Variants in FBXO42 observed in about 807,000 individuals in gnomAD.
The protein encoded by FBXO42 is F-box protein 42.
In FBXO42, 12 loss-of-function variants were observed where a neutral mutation model predicts 71.7. That is an observed-to-expected ratio of 0.17 (90% CI 0.11 to 0.27). The LOEUF (loss-of-function observed/expected upper bound fraction) is 0.27, where lower values mean the gene tolerates loss of function less well. FBXO42 is among the 10% of genes least tolerant of loss of function. The pLI, the probability that FBXO42 is intolerant of heterozygous loss-of-function variation, is 1.00. For missense variants in FBXO42, 707 were observed against 911.9 expected (o/e 0.78, Z 2.89); for synonymous variants, 325 against 327.5 (o/e 0.99, Z 0.08).
chr1:16,319,927 A>G (rs1346433668), intron 1 of FBXO42, among the ~76,000 whole-genome samples: 3 of 151,338 alleles, frequency 2.0e-5, no homozygotes, highest in Admixed American at 6.6e-5. Context: ...AAAAAGAAAA[A>G]GAAAAAGAAA....
chr1:16,334,063 A>G (rs1273868519), intron 1 of FBXO42, among the ~76,000 whole-genome samples: 2 of 152,186 alleles, frequency 1.3e-5, no homozygotes, highest in East Asian at 3.8e-4. Context: ...ATACAAATAT[A>G]TTCAAAGATA....
chr1:16,296,941 G>A (rs1157857270), intron 3 of FBXO42, among the ~76,000 whole-genome samples: 4 of 34,612 alleles, frequency 1.2e-4, no homozygotes, highest in South Asian at 1.2e-3. Context: ...CCCACCCCCC[G>A]CTTTTTGTTT....
chr1:16,283,109 T>C (rs2081981998), intron 4 of FBXO42, among the ~76,000 whole-genome samples: 1 of 152,166 alleles, frequency 6.6e-6, no homozygotes, highest in Admixed American at 6.6e-5. Context: ...GGTGATCTGT[T>C]ATCCAATTTT....
chr1:16,284,708 C>A (rs533970959), intron 4 of FBXO42, among the ~76,000 whole-genome samples: 1 of 152,274 alleles, frequency 6.6e-6, no homozygotes, highest in Non-Finnish European at 1.5e-5. Flanking sequence ...GGACTCATGC[C>A]TGTAATTCCA....
At chr1:16,302,671 G>A (rs12121061) in intron 3 of FBXO42, among the ~76,000 whole-genome samples, 53,073 of 151,970 alleles carry the variant, frequency 0.35, 9,731 homozygotes, top group African/African-American at 0.41. Context: ...CACCAGGCCC[G>A]GCTAATTTTT....
chr1:16,254,161 A>C (rs542421043), intron 6 of FBXO42, among the ~76,000 whole-genome samples: 1 of 152,302 alleles, frequency 6.6e-6, no homozygotes, highest in East Asian at 1.9e-4. Context: ...TCTTTCCACG[A>C]GGCCTCATCT....
In FBXO42 at chr1:16,315,281, G is replaced by A; in HGVS notation, c.138C>T (p.Ser46=). The A allele has an allele frequency of 6.2e-7, 1 of 1,614,076 alleles. No individual in the cohort carries two copies. Among genetic ancestry groups the A allele is most frequent in the Non-Finnish European group, 8.5e-7 (1 of 1,179,996 alleles). ...AAACCTCTTCTGGCAGCTCCGACAT[G>A]GACCTATTATGTCTAGTCTCCTCAG... ...LEAEETRHNR[S]MSELPEEVLE... Residue 46 remains serine, a synonymous_variant, in exon 2 of 10, where the codon TCC becomes TCT. Coordinates refer to ENST00000375592, the MANE Select transcript of FBXO42 (RefSeq NM_018994.3).
intron 1 of FBXO42, among the ~76,000 whole-genome samples, chr1:16,325,335 T>C (rs1436527352): frequency 6.6e-6 from 1 of 152,190 alleles, no homozygotes; most frequent in Non-Finnish European, 1.5e-5. Flanking sequence ...CACAGTTTAA[T>C]ATTTTAAATT....
intron 1 of FBXO42, among the ~76,000 whole-genome samples, chr1:16,319,226 A>G (rs185505118): frequency 2.9e-4 from 44 of 152,318 alleles, no homozygotes; most frequent in Non-Finnish European, 5.9e-4. Flanking sequence ...GAAATGTTCC[A>G]AAAAGTGACA....
At chr1:16,309,250 T>C (rs2082287777) in intron 2 of FBXO42, among the ~76,000 whole-genome samples, 1 of 151,364 alleles carries the variant, frequency 6.6e-6, no homozygotes, top group Non-Finnish European at 1.5e-5. Context: ...TTTTTCTTTT[T>C]GTATTTTTAG....
chr1:16,285,904 G>A (rs964458796), intron 4 of FBXO42, among the ~76,000 whole-genome samples: 3 of 151,792 alleles, frequency 2.0e-5, no homozygotes, highest in African/African-American at 4.8e-5. Context: ...GACTTGCTTC[G>A]TCACCCAGAC....
rs144698838 is a variant in FBXO42, at chr1:16,279,854, C to CTTTTCTT, written c.502+14928_502+14929insAAGAAAA. Among the ~76,000 whole-genome samples, 7 of 138,158 alleles carry CTTTTCTT rather than the reference C, an allele frequency of 5.1e-5. 2 individuals carry two copies. The highest frequency in any genetic ancestry group is 1.5e-4 in the Admixed American group (2 of 13,770). 90.6% of individuals were successfully genotyped at this position (138,158 alleles called of 152,430 possible). Reference sequence around the variant, plus strand: ...TCATGTTGACAATGGTTTTTTTTTTCTTTTTTTTTTGAGACAGAGTCTTGC... The same window carrying CTTTTCTT: ...TCATGTTGACAATGGTTTTTTTTTTCTTTTCTTTTTTTTTTTTGAGACAGAGTCTTGC... On this transcript the variant is annotated intron_variant, in intron 4 of 9. Transcript: ENST00000375592.
intron 3 of FBXO42, 92 bp downstream of exon 3, chr1:16,305,711 C>T (rs1203779621): frequency 9.0e-7 from 1 of 1,110,200 alleles, no homozygotes; most frequent in East Asian, 2.4e-5. Context: ...GAGACCTTGT[C>T]TCAAAAACAA....
At chr1:16,317,591 T>A (rs898201938) in intron 1 of FBXO42, among the ~76,000 whole-genome samples, 1 of 144,438 alleles carries the variant, frequency 6.9e-6, no homozygotes, top group Non-Finnish European at 1.5e-5. Context: ...CAAGACTCCA[T>A]CTCAAACAAG....
intron 4 of FBXO42, among the ~76,000 whole-genome samples, chr1:16,273,802 C>A (rs1392078876): frequency 6.6e-6 from 1 of 151,890 alleles, no homozygotes; most frequent in Non-Finnish European, 1.5e-5. Flanking sequence ...TCACTTGAGC[C>A]CAAGAGGTAG....
chr1:16,283,634 T>C (rs1449409917), intron 4 of FBXO42, among the ~76,000 whole-genome samples: 1 of 151,472 alleles, frequency 6.6e-6, no homozygotes, highest in African/African-American at 2.4e-5. Flanking sequence ...GTAGCTGGGA[T>C]TACAGGCACC....
intron 7 of FBXO42, 139 bp downstream of exon 7, chr1:16,253,496 T>C (rs989318938): frequency 8.3e-5 from 58 of 696,440 alleles, no homozygotes; most frequent in African/African-American, 3.6e-5. Flanking sequence ...AGTTGAAAAA[T>C]AAATACCAGT....
At chr1:16,330,769 C>T (rs1301873007) in intron 1 of FBXO42, among the ~76,000 whole-genome samples, 2 of 151,840 alleles carry the variant, frequency 1.3e-5, no homozygotes, top group Non-Finnish European at 2.9e-5. Flanking sequence ...TGTGAAACCC[C>T]GTCTCTATTA....
At chr1:16,326,040 G>GTGTGTGTC (rs1553154831) in intron 1 of FBXO42, among the ~76,000 whole-genome samples, 12 of 150,270 alleles carry the variant, frequency 8.0e-5, no homozygotes, top group Non-Finnish European at 1.5e-4. Context: ...GTGTGTGTGT[G>GTGTGTGTC]TGTGTGTGTC....
Sources: gnomAD v4.1 joint callset for allele counts (sites outside exome capture counted in the v4.1 genomes callset) on GRCh38, gnomAD v4.1.1 for gene constraint, MANE v1.5 for transcripts, NCBI Gene and HGNC (gene_info 2026-07-23, HGNC 2026-07-21) for gene names.